Variants in CDH12 observed in about 807,000 individuals in gnomAD.
CDH12 encodes cadherin-12.
A neutral mutation model predicts 74.1 loss-of-function variants in CDH12; 41 were observed. That is an observed-to-expected ratio of 0.55 (90% CI 0.43 to 0.72). CDH12 has a LOEUF of 0.72. Among genes scored for constraint, CDH12 ranks in the 30% least tolerant of loss-of-function variants. The probability of loss-of-function intolerance (pLI) is 0.00; values close to 1 mark genes in which losing one functional copy is unlikely to be tolerated. For synonymous variants in CDH12, 399 were observed against 355.0 expected, an observed-to-expected ratio of 1.12 and a Z score of -1.39; for missense variants, 945 against 977.2, an observed-to-expected ratio of 0.97 and a Z score of 0.44.
chr5:21,911,574 A>G (rs1251141791), intron 6 of CDH12, among the ~76,000 whole-genome samples: 1 of 152,068 alleles, frequency 6.6e-6, no homozygotes, highest in Non-Finnish European at 1.5e-5. Flanking sequence ...TATATAGCTT[A>G]TATTCTCTGT....
At chr5:22,196,453 C>A (rs1750626956) in intron 4 of CDH12, among the ~76,000 whole-genome samples, 3 of 151,912 alleles carry the variant, frequency 2.0e-5, no homozygotes, top group Admixed American at 2.0e-4. Flanking sequence ...TGTATGTAAT[C>A]TTTTATTCAT....
At chr5:21,832,895 TCATATAA>T (rs1749133236) in intron 8 of CDH12, among the ~76,000 whole-genome samples, 1 of 83,216 alleles carries the variant, frequency 1.2e-5, no homozygotes, top group African/African-American at 7.7e-5. Flanking sequence ...TTAATATATA[TCATATAA>T]TATATGATAT....
chr5:22,682,940 T>C (rs1196977468), intron 1 of CDH12, among the ~76,000 whole-genome samples: 1 of 152,122 alleles, frequency 6.6e-6, no homozygotes, highest in Non-Finnish European at 1.5e-5. Flanking sequence ...AGATGATCCA[T>C]AAACAAAGAT....
intron 6 of CDH12, among the ~76,000 whole-genome samples, chr5:21,880,534 T>C (rs13186575): frequency 2.4e-4 from 4 of 16,798 alleles, no homozygotes; most frequent in African/African-American, 3.5e-4. Context: ...TTCTTCCTTC[T>C]TTTCCTTCCT....
At chr5:21,760,730 A>G in intron 12 of CDH12, 55 bp from the exon 13 acceptor site, 2 of 1,000,690 alleles carry the variant, frequency 2.0e-6, no homozygotes, top group Non-Finnish European at 3.2e-6. Flanking sequence ...GACTTTACAC[A>G]GCAGGCTACT....
chr5:22,732,653 C>T (rs1744491928), intron 1 of CDH12, among the ~76,000 whole-genome samples: 1 of 151,782 alleles, frequency 6.6e-6, no homozygotes, highest in Non-Finnish European at 1.5e-5. Context: ...TACAGATACA[C>T]ACAAGGAGAA....
intron 5 of CDH12, among the ~76,000 whole-genome samples, chr5:22,061,079 G>A (rs1025034763): frequency 1.1e-4 from 17 of 152,224 alleles, no homozygotes; most frequent in Admixed American, 9.2e-4. Flanking sequence ...TCTTGACATT[G>A]ACATAAAACA....
chr5:22,770,910 T>C (rs1746772411), intron 1 of CDH12, among the ~76,000 whole-genome samples: 1 of 152,116 alleles, frequency 6.6e-6, no homozygotes, highest in African/African-American at 2.4e-5. Context: ...TTGGTAGCGA[T>C]TCTGTAAGGG....
chr5:21,938,028 A>G (rs1452101946), intron 6 of CDH12, among the ~76,000 whole-genome samples: 7 of 151,986 alleles, frequency 4.6e-5, no homozygotes, highest in African/African-American at 1.7e-4. Context: ...TTGATAGACA[A>G]CCCCACATCT....
intron 7 of CDH12, among the ~76,000 whole-genome samples, chr5:21,848,137 T>C (rs1010214383): frequency 6.6e-6 from 1 of 152,068 alleles, no homozygotes; most frequent in Non-Finnish European, 1.5e-5. Context: ...CAAATACTCA[T>C]GATGTAATTT....
chr5:22,248,033 A>C (rs146544274), intron 3 of CDH12, among the ~76,000 whole-genome samples: 6,087 of 152,282 alleles, frequency 0.04, 423 homozygotes, highest in African/African-American at 0.14. Context: ...ACAGTGGCTC[A>C]CGCCTGTAAT....
intron 4 of CDH12, among the ~76,000 whole-genome samples, chr5:22,142,104 G>A (rs1008549511): frequency 6.6e-6 from 1 of 152,086 alleles, no homozygotes; most frequent in African/African-American, 2.4e-5. Context: ...CTGGGTTAAG[G>A]CACAAGATGA....
chr5:22,096,829 T>G (rs751742500), intron 4 of CDH12, among the ~76,000 whole-genome samples: 1 of 152,148 alleles, frequency 6.6e-6, no homozygotes, highest in Non-Finnish European at 1.5e-5. Context: ...AAGGCCGTCT[T>G]ATTCTCAATA....
At chr5:22,597,783 T>C (rs1338507713) in intron 1 of CDH12, among the ~76,000 whole-genome samples, 4 of 152,178 alleles carry the variant, frequency 2.6e-5, no homozygotes, top group African/African-American at 9.6e-5. Flanking sequence ...GGAGTTATCT[T>C]TCATAATTAA....
chr5:22,737,429 T>C (rs891664798), intron 1 of CDH12, among the ~76,000 whole-genome samples: 2 of 152,030 alleles, frequency 1.3e-5, no homozygotes, highest in African/African-American at 4.8e-5. Context: ...AAACACTTTT[T>C]TTAGCTTTCT....
intron 1 of CDH12, among the ~76,000 whole-genome samples, chr5:22,515,825 TTTTTATCA>T (rs1736786599): frequency 6.6e-6 from 1 of 152,116 alleles, no homozygotes; most frequent in Non-Finnish European, 1.5e-5. Flanking sequence ...TAGTAAAATA[TTTTTATCA>T]ACTTGGAGTA....
At position 22,581,096 on chromosome 5, in the gene CDH12, G is replaced by T. The variant is rs111550620; in HGVS notation, c.-522-75732C>A. On this transcript the variant is annotated intron_variant, in intron 1 of 14. Coordinates refer to ENST00000382254, the MANE Select transcript of CDH12 (RefSeq NM_004061.5). ...TGGGGAGAAATTTAAACCAGCTGCA[G>T]AAATTTGCATATGTCACAAGGAGTC... is the stretch of plus-strand genomic sequence containing the variant. 5.8e-3 allele frequency among the ~76,000 whole-genome samples: 879 copies of T among 152,304 alleles called. 9 individuals carry two copies. The highest frequency in any genetic ancestry group is 0.02 in the African/African-American group (844 of 41,566).
chr5:22,584,951 A>G (rs1281865827), intron 1 of CDH12, among the ~76,000 whole-genome samples: 1 of 152,126 alleles, frequency 6.6e-6, no homozygotes, highest in Non-Finnish European at 1.5e-5. Context: ...AAAATTTACT[A>G]CTAAAAAAAA....
At chr5:21,837,273 AT>A (rs1213284471) in intron 8 of CDH12, among the ~76,000 whole-genome samples, 1 of 152,020 alleles carries the variant, frequency 6.6e-6, no homozygotes, top group Non-Finnish European at 1.5e-5. Context: ...GAAACTATAT[AT>A]TTTACAACAA....
Sources: allele counts gnomAD v4.1 joint callset (sites outside exome capture counted in the v4.1 genomes callset), GRCh38; gene constraint gnomAD v4.1.1; transcripts MANE v1.5; gene names NCBI Gene and HGNC (gene_info 2026-07-23, HGNC 2026-07-21).